The following NBEA variants were observed in gnomAD, a reference collection of about 807,000 sequenced individuals.
The protein encoded by NBEA is neurobeachin, also known as lysosomal-trafficking regulator 2.
A neutral mutation model predicts 343.4 loss-of-function variants in NBEA; 44 were observed. The ratio of observed to expected loss-of-function variants is 0.13; its 90% CI spans 0.10 to 0.16. The LOEUF (loss-of-function observed/expected upper bound fraction) is 0.16, where lower values mean the gene tolerates loss of function less well. Ranked by LOEUF, NBEA falls within the 10% of genes least tolerant of loss-of-function variation. The pLI, the probability that NBEA is intolerant of heterozygous loss-of-function variation, is 1.00. For missense variants in NBEA, 2,555 were observed against 3,631.3 expected (o/e 0.70, Z 7.62); for synonymous variants, 1,175 against 1,238.7 (o/e 0.95, Z 1.08).
chr13:35,290,172 A>G (rs1352513022), intron 34 of NBEA, among the ~76,000 whole-genome samples: 2 of 151,814 alleles, frequency 1.3e-5, no homozygotes, highest in African/African-American at 2.4e-5. Flanking sequence ...ACCCACAGCC[A>G]ATATCATACT....
At chr13:35,147,250 CTGGGCCTCTGCCCA>C (rs546721087) in intron 18 of NBEA, among the ~76,000 whole-genome samples, 2 of 152,346 alleles carry the variant, frequency 1.3e-5, no homozygotes, top group Non-Finnish European at 2.9e-5. Flanking sequence ...TAGCATAAGC[CTGGGCCTCTGCCCA>C]AATATGCTGC....
chr13:35,593,384 T>C lies in NBEA; in HGVS notation c.7233T>C (p.Asp2411=). 1 of 1,612,498 alleles carries C rather than the reference T, an allele frequency of 6.2e-7. No individual in the cohort carries two copies. The highest frequency in any genetic ancestry group is 1.1e-5 in the South Asian group (1 of 91,056). The change falls in exon 47 of 59, where the codon GAT becomes GAC. Residue 2411 remains aspartate (D), a synonymous_variant. Transcript: ENST00000379939. The part of the protein sequence containing the change: ...NANDGKFDHP[D]RTFSSVARSW... Reference sequence around the variant, plus strand: ...ATGATGGAAAATTTGATCATCCAGATCGAACCTTCTCATCCGTTGCAAGGT... The same window carrying C: ...ATGATGGAAAATTTGATCATCCAGACCGAACCTTCTCATCCGTTGCAAGGT...
chr13:35,349,949 T>A (rs1407866573), intron 37 of NBEA, among the ~76,000 whole-genome samples: 1 of 152,124 alleles, frequency 6.6e-6, no homozygotes, highest in Non-Finnish European at 1.5e-5. Flanking sequence ...CACATGACCT[T>A]TGCTTCATTT....
intron 3 of NBEA, 82 bp from the exon 4 acceptor site, chr13:35,045,224 A>G (rs1175651021): frequency 1.6e-6 from 2 of 1,257,682 alleles, no homozygotes; most frequent in Admixed American, 5.1e-5. Context: ...TAGTTAGAAA[A>G]CAGTCCAATG....
At chr13:34,973,334 G>A (rs2060060051) in intron 1 of NBEA, among the ~76,000 whole-genome samples, 1 of 152,096 alleles carries the variant, frequency 6.6e-6, no homozygotes, top group African/African-American at 2.4e-5. Context: ...CAGCTGTGCT[G>A]TGCTGGGGTA....
At chr13:35,474,916 T>TGTTTAAATA (rs1256781683) in intron 41 of NBEA, 4 of 1,041,026 alleles carry the variant, frequency 3.8e-6, no homozygotes, top group Non-Finnish European at 5.6e-6. Flanking sequence ...GGTGAGATGA[T>TGTTTAAATA]GTTTAAATAT....
At chr13:35,016,231 G>T (rs902214685) in intron 1 of NBEA, among the ~76,000 whole-genome samples, 4 of 152,032 alleles carry the variant, frequency 2.6e-5, no homozygotes, top group African/African-American at 9.7e-5. Flanking sequence ...ATATGTGTAT[G>T]TGTGTGTATG....
intron 39 of NBEA, among the ~76,000 whole-genome samples, chr13:35,437,455 A>G (rs1008360691): frequency 1.3e-5 from 2 of 152,060 alleles, no homozygotes; most frequent in African/African-American, 2.4e-5. Flanking sequence ...GGAGTTTTTC[A>G]TGCTTTTTTA....
intron 8 of NBEA, among the ~76,000 whole-genome samples, chr13:35,060,487 C>T (rs1033865945): frequency 2.6e-5 from 4 of 151,688 alleles, no homozygotes; most frequent in African/African-American, 9.7e-5. Flanking sequence ...TCCTAACACA[C>T]AGTAGAGTAC....
intron 30 of NBEA, among the ~76,000 whole-genome samples, chr13:35,195,406 T>C (rs1251487749): frequency 1.3e-5 from 2 of 152,032 alleles, no homozygotes; most frequent in Non-Finnish European, 2.9e-5. Flanking sequence ...GTTTTTTTTT[T>C]TGTTTTTTTG....
chr13:35,328,293 G>C (rs548617293), intron 36 of NBEA, among the ~76,000 whole-genome samples: 1 of 151,774 alleles, frequency 6.6e-6, no homozygotes, highest in Middle Eastern at 3.2e-3. Context: ...GAAGCACTTA[G>C]GGGTATACTT....
At chr13:35,321,353 T>G (rs2038128101) in intron 36 of NBEA, among the ~76,000 whole-genome samples, 1 of 152,224 alleles carries the variant, frequency 6.6e-6, no homozygotes. Context: ...CAGACTTCTC[T>G]GCTGTGGGTC....
chr13:35,006,341 G>C (rs986661818), intron 1 of NBEA, among the ~76,000 whole-genome samples: 7 of 151,606 alleles, frequency 4.6e-5, no homozygotes, highest in African/African-American at 1.7e-4. Context: ...TTTATTAAAG[G>C]GTAAAATAAA....
chr13:35,153,749 T>G (rs530658681), intron 18 of NBEA, among the ~76,000 whole-genome samples: 1 of 152,300 alleles, frequency 6.6e-6, no homozygotes, highest in Admixed American at 6.5e-5. Context: ...TTCTTCTCTT[T>G]TGGTTGAAAA....
chr13:35,188,906 G>GTTTTTTTTTTTTTTT (rs571102808), intron 30 of NBEA, among the ~76,000 whole-genome samples: 6 of 109,760 alleles, frequency 5.5e-5, no homozygotes, highest in Admixed American at 9.8e-5. Flanking sequence ...TTTACTTTTT[G>GTTTTTTTTTTTTTTT]TTTTTTTTTT....
intron 40 of NBEA, among the ~76,000 whole-genome samples, chr13:35,463,916 G>A (rs2047038131): frequency 1.3e-5 from 2 of 152,126 alleles, no homozygotes; most frequent in Non-Finnish European, 2.9e-5. Context: ...TATATTTCCA[G>A]AAACTGCTGA....
intron 36 of NBEA, among the ~76,000 whole-genome samples, chr13:35,344,909 C>T (rs1288216797): frequency 1.3e-5 from 2 of 151,976 alleles, no homozygotes; most frequent in Admixed American, 1.3e-4. Context: ...ACTGTGTAAT[C>T]TTAATTATAA....
intron 18 of NBEA, among the ~76,000 whole-genome samples, 151 bp downstream of exon 18, chr13:35,142,528 T>C (rs2068146965): frequency 6.6e-6 from 1 of 152,222 alleles, no homozygotes; most frequent in South Asian, 2.1e-4. Context: ...ATATACCTTA[T>C]ATTTTTATTT....
chr13:35,348,583 A>G (rs183599070), intron 36 of NBEA, among the ~76,000 whole-genome samples: 1 of 152,234 alleles, frequency 6.6e-6, no homozygotes, highest in Admixed American at 6.5e-5. Context: ...CATTTAAAAG[A>G]ATTTTAGATG....
Sources: allele counts gnomAD v4.1 joint callset (sites outside exome capture counted in the v4.1 genomes callset), GRCh38; gene constraint gnomAD v4.1.1; transcripts MANE v1.5; gene names NCBI Gene and HGNC (gene_info 2026-07-23, HGNC 2026-07-21).